The following SEL1L2 variants were observed in gnomAD, a reference collection of about 807,000 sequenced individuals.
SEL1L2 encodes the protein SEL1L2 adaptor subunit of SYVN1 ubiquitin ligase.
In SEL1L2, 89 loss-of-function variants were observed where a neutral mutation model predicts 98.8. The ratio of observed to expected loss-of-function variants is 0.90; its 90% CI spans 0.76 to 1.07. The LOEUF is 1.07. Among genes scored for constraint, SEL1L2 ranks in the 50% least tolerant of loss-of-function variants. The pLI is 0.00. For synonymous variants in SEL1L2, 262 were observed against 278.5 expected, an observed-to-expected ratio of 0.94 and a Z score of 0.59; for missense variants, 788 against 812.0, an observed-to-expected ratio of 0.97 and a Z score of 0.36.
chr20:13,850,504 T>TG (rs1264242085), intron 18 of SEL1L2, among the ~76,000 whole-genome samples, 185 bp from the exon 19 acceptor site: 6 of 152,180 alleles, frequency 3.9e-5, no homozygotes, highest in Admixed American at 2.6e-4. Context: ...GGGCTGGGGA[T>TG]GGAAGAAAGA....
intron 10 of SEL1L2, among the ~76,000 whole-genome samples, chr20:13,879,785 C>G (rs994657888): frequency 1.3e-5 from 2 of 152,146 alleles, no homozygotes; most frequent in Non-Finnish European, 2.9e-5. Context: ...AAAGTTATAG[C>G]AATGTACAAG....
At position 13,870,252 on chromosome 20, in the gene SEL1L2, A is replaced by C. The variant is rs558615101; in HGVS notation, c.1105-49T>G. On this transcript the variant is annotated intron_variant, in intron 12 of 19. Transcript: ENST00000284951. ...GTAAAGTCCCAGAAGAATTCATGATAAGGAAAATTACTGCAAAATTTTTCA... is the reference window on the plus strand; with the variant it reads ...GTAAAGTCCCAGAAGAATTCATGATCAGGAAAATTACTGCAAAATTTTTCA... 1.8e-5 allele frequency: 26 copies of C among 1,453,028 alleles called. No homozygotes were observed. In the South Asian group the frequency reaches 2.8e-4, roughly 16 times the overall value. 90.0% of individuals were successfully genotyped at this position (1,453,028 alleles called of 1,614,324 possible). A position where few individuals can be genotyped will look rare whatever the true frequency, so the allele number is the denominator to read the frequency against.
In SEL1L2 at chr20:13,916,627, G is replaced by A. The variant is rs541272656; in HGVS notation, c.386+2394C>T. Among the ~76,000 whole-genome samples the A allele has an allele frequency of 3.9e-5, 6 of 152,226 alleles. No homozygotes were observed. In the South Asian group the frequency reaches 1.2e-3, roughly 32 times the overall value. ...TTGAGACCAGCCTGACCAACATGGC[G>A]AAACCCTGTCTCTACTAAAAATACA... On this transcript the variant is annotated intron_variant, in intron 4 of 19. Coordinates refer to ENST00000284951, the MANE Select transcript of SEL1L2 (RefSeq NM_025229.2).
rs777359729 is a variant in SEL1L2 at position 13,859,428 on chromosome 20, G to C, written c.1652C>G (p.Ala551Gly). The C allele has an allele frequency of 2.5e-6, 4 of 1,611,882 alleles. No individual in the cohort carries two copies. Among genetic ancestry groups the C allele is most frequent in the Non-Finnish European group, 2.5e-6 (3 of 1,178,192 alleles). ...ATCTCCAATTTTTACTCTAGCAAAT[G>C]CATTGCCTGATAGAAATATTAGAGA... Reference protein sequence around the residue: ...LWNRAAIQGNAFARVKIGDYH... With the variant: ...LWNRAAIQGNGFARVKIGDYH... Residue 551 changes from alanine to glycine, a missense_variant, in exon 18 of 20, where the codon GCA becomes GGA. By Grantham distance (60) the Ala-to-Gly change is moderately conservative. Transcript: ENST00000284951.
chr20:13,877,191 CA>C (rs1395785701), intron 11 of SEL1L2, among the ~76,000 whole-genome samples: 2 of 152,168 alleles, frequency 1.3e-5, no homozygotes, highest in Admixed American at 6.5e-5. Flanking sequence ...GGCTTCTTCC[CA>C]AACTGTCACC....
At position 13,919,193 on chromosome 20, in the gene SEL1L2, A is replaced by G. The variant is rs546423957; in HGVS notation, c.284-70T>C. On this transcript the variant is annotated intron_variant, in intron 3 of 19. Transcript: ENST00000284951. Reference sequence around the variant, plus strand: ...TTCCATATTTTAAAAATAATGTGCTAAAGTAATTTGTTGGCATATTAGAGT... The same window carrying G: ...TTCCATATTTTAAAAATAATGTGCTGAAGTAATTTGTTGGCATATTAGAGT... 14 of 962,028 alleles carry G rather than the reference A, an allele frequency of 1.5e-5. No individual in the cohort carries two copies. In the South Asian group the frequency reaches 1.5e-4, roughly 11 times the overall value. 59.6% of individuals were successfully genotyped at this position (962,028 alleles called of 1,614,324 possible). A position where few individuals can be genotyped will look rare whatever the true frequency, so the allele number is the denominator to read the frequency against.
At chr20:13,876,938 C>G (rs2046459565) in intron 11 of SEL1L2, among the ~76,000 whole-genome samples, 1 of 152,150 alleles carries the variant, frequency 6.6e-6, no homozygotes, top group Non-Finnish European at 1.5e-5. Flanking sequence ...ATTCTCCTGC[C>G]TCAGCCTCCC....
At position 13,975,244 on chromosome 20, in the gene SEL1L2, T is replaced by C. The variant is rs949614648; in HGVS notation, c.58+15233A>G. 3.3e-5 allele frequency among the ~76,000 whole-genome samples: 5 copies of C among 152,214 alleles called. No individual in the cohort carries two copies. The South Asian group carries it at 6.2e-4, about 19-fold the overall frequency. On this transcript the variant is annotated intron_variant, in intron 1 of 19. Transcript: ENST00000284951. ...ATAATCATACTGCCAAAACAACTGG[T>C]TGAAAAGCAAATAGCTCAATCAATC...
intron 5 of SEL1L2, among the ~76,000 whole-genome samples, chr20:13,909,914 C>T (rs751494381): frequency 1.5e-4 from 23 of 151,864 alleles, no homozygotes; most frequent in Admixed American, 5.3e-4. Flanking sequence ...GAGGTTGCAG[C>T]GAGCCAAGAT....
At chr20:13,893,362 C>T (rs1348914562) in intron 5 of SEL1L2, among the ~76,000 whole-genome samples, 2 of 152,152 alleles carry the variant, frequency 1.3e-5, no homozygotes, top group Non-Finnish European at 2.9e-5. Flanking sequence ...AGAGCCAGAG[C>T]AGCCCTACTT....
At chr20:13,985,766 T>C (rs1482899419) in intron 1 of SEL1L2, among the ~76,000 whole-genome samples, 1 of 152,150 alleles carries the variant, frequency 6.6e-6, no homozygotes. Context: ...CATTTTTCAT[T>C]ACCCCAAAAA....
chr20:13,849,270 G>A lies in SEL1L2; in HGVS notation c.*215C>T, dbSNP rs2147671329. ...ACAGATTGGTAACAAGGTCTTAGGT[G>A]ACCAGTTCCCAGCATCCCGCAAAGG... is the stretch of plus-strand genomic sequence containing the variant. On this transcript the variant is annotated 3_prime_UTR_variant, in exon 20 of 20. Coordinates refer to ENST00000284951, the MANE Select transcript of SEL1L2 (RefSeq NM_025229.2). 2.0e-6 allele frequency: 1 copy of A among 511,592 alleles called. No individual in the cohort carries two copies. Among genetic ancestry groups the A allele is most frequent in the Non-Finnish European group, 3.5e-6 (1 of 288,690 alleles). 31.7% of individuals were successfully genotyped at this position (511,592 alleles called of 1,614,324 possible). A position where few individuals can be genotyped will look rare whatever the true frequency, so the allele number is the denominator to read the frequency against.
At chr20:13,936,466 C>T (rs1050817965) in intron 2 of SEL1L2, among the ~76,000 whole-genome samples, 3 of 152,148 alleles carry the variant, frequency 2.0e-5, no homozygotes, top group South Asian at 2.1e-4. Context: ...CTGTAAATAA[C>T]GTCACTATTT....
chr20:13,991,935 G>A (rs1322889284), upstream of SEL1L2, among the ~76,000 whole-genome samples: 1 of 152,102 alleles, frequency 6.6e-6, no homozygotes, highest in Non-Finnish European at 1.5e-5. Context: ...AGGGGCCTGA[G>A]GGGTGGAGGT....
chr20:13,850,189 A>G lies in SEL1L2; in HGVS notation c.1947+2T>C. On this transcript the variant is annotated splice_donor_variant, in intron 19 of 19. Coordinates refer to ENST00000284951, the MANE Select transcript of SEL1L2 (RefSeq NM_025229.2). LOFTEE classifies it high-confidence loss of function. Reference sequence around the variant, plus strand: ...TTCAGGACCTGTTCAAGACAAACTTACATTAAAAAACAGGATATCCCGGAG... The same window carrying G: ...TTCAGGACCTGTTCAAGACAAACTTGCATTAAAAAACAGGATATCCCGGAG... 2 of 1,613,774 alleles carry G rather than the reference A, an allele frequency of 1.2e-6. No homozygotes were observed. Among genetic ancestry groups the G allele is most frequent in the African/African-American group, 1.3e-5 (1 of 75,044 alleles).
upstream of SEL1L2, among the ~76,000 whole-genome samples, chr20:13,991,771 T>G (rs1248413774): frequency 6.6e-6 from 1 of 152,080 alleles, no homozygotes; most frequent in Non-Finnish European, 1.5e-5. Context: ...GGCAGTTGGA[T>G]TACTTGAGGC....
upstream of SEL1L2, among the ~76,000 whole-genome samples, chr20:13,994,706 C>T (rs2052600991): frequency 6.6e-6 from 1 of 152,152 alleles, no homozygotes; most frequent in Non-Finnish European, 1.5e-5. Context: ...CTTTTTGGAC[C>T]TGCGTCTTAA....
intron 1 of SEL1L2, among the ~76,000 whole-genome samples, chr20:13,980,359 G>A (rs923764777): frequency 2.0e-5 from 3 of 152,272 alleles, no homozygotes; most frequent in Admixed American, 2.0e-4. Context: ...GGGATTACAG[G>A]CATGTGCCTG....
intron 5 of SEL1L2, among the ~76,000 whole-genome samples, chr20:13,907,092 T>C (rs1453884234): frequency 1.3e-5 from 2 of 152,236 alleles, no homozygotes; most frequent in Non-Finnish European, 2.9e-5. Flanking sequence ...ATCTTTTTCT[T>C]TTATATGTCA....
Sources: allele counts gnomAD v4.1 joint callset (sites outside exome capture counted in the v4.1 genomes callset), GRCh38; gene constraint gnomAD v4.1.1; transcripts MANE v1.5; gene names NCBI Gene and HGNC (gene_info 2026-07-23, HGNC 2026-07-21).